Variants in NFIB observed in about 807,000 individuals in gnomAD.
NFIB encodes nuclear factor 1 B-type.
In NFIB, 11 loss-of-function variants were observed where a neutral mutation model predicts 61.5. The observed-to-expected ratio is 0.18, with a 90% confidence interval of 0.11 to 0.30. NFIB has a LOEUF of 0.30. Ranked by LOEUF, NFIB falls within the 10% of genes least tolerant of loss-of-function variation. The probability of loss-of-function intolerance (pLI) is 1.00; values close to 1 mark genes in which losing one functional copy is unlikely to be tolerated. For synonymous variants in NFIB, 260 were observed against 216.5 expected, an observed-to-expected ratio of 1.20 and a Z score of -1.76; for missense variants, 471 against 608.9, an observed-to-expected ratio of 0.77 and a Z score of 2.38.
At chr9:14,284,495 T>C (rs2058582399) in intron 2 of NFIB, among the ~76,000 whole-genome samples, 1 of 152,186 alleles carries the variant, frequency 6.6e-6, no homozygotes, top group South Asian at 2.1e-4. Context: ...ACAAACCTCA[T>C]AAACTCTTAT....
At chr9:14,319,874 A>G (rs939945418) in intron 1 of NFIB, among the ~76,000 whole-genome samples, 1 of 152,256 alleles carries the variant, frequency 6.6e-6, no homozygotes, top group Admixed American at 6.5e-5. Flanking sequence ...TTTTCAAATT[A>G]AAATTTAAGA....
chr9:14,525,532 T>C, the NFIB span, among the ~76,000 whole-genome samples: 3 of 152,132 alleles, frequency 2.0e-5, no homozygotes, highest in Admixed American at 1.3e-4. Flanking sequence ...CCTTCCAAAG[T>C]ACCAGGCAAA....
chr9:14,520,180 C>G, the NFIB span, among the ~76,000 whole-genome samples: 1 of 152,114 alleles, frequency 6.6e-6, no homozygotes, highest in Non-Finnish European at 1.5e-5. Flanking sequence ...AGGAAATACC[C>G]ATTCTATCTA....
At chr9:14,100,820 C>G (rs956858823) in intron 10 of NFIB, among the ~76,000 whole-genome samples, 10 of 152,336 alleles carry the variant, frequency 6.6e-5, no homozygotes, top group Non-Finnish European at 1.2e-4. Context: ...GTAAGCCAAT[C>G]AATATTCCAC....
the NFIB span, among the ~76,000 whole-genome samples, chr9:14,436,355 C>A: frequency 1.3e-5 from 2 of 152,210 alleles, no homozygotes; most frequent in Non-Finnish European, 2.9e-5. Flanking sequence ...TTGGAGAACT[C>A]TGTGAGGCTG....
At chr9:14,431,978 T>A in the NFIB span, among the ~76,000 whole-genome samples, 6 of 152,208 alleles carry the variant, frequency 3.9e-5, no homozygotes, top group Admixed American at 6.5e-5. Context: ...ATGGTGTGCC[T>A]GACTCATGCA....
chr9:14,466,869 C>T, the NFIB span, among the ~76,000 whole-genome samples: 1 of 152,178 alleles, frequency 6.6e-6, no homozygotes, highest in South Asian at 2.1e-4. Context: ...CTTTTAGCCC[C>T]ACTGAAAGAA....
intron 1 of NFIB, among the ~76,000 whole-genome samples, chr9:14,353,301 CAG>C (rs928891668): frequency 1.3e-5 from 2 of 152,096 alleles, no homozygotes; most frequent in Non-Finnish European, 2.9e-5. Context: ...ATAGATGTGA[CAG>C]TTCTTCTGGG....
chr9:14,135,405 A>G (rs1435005524), intron 6 of NFIB, among the ~76,000 whole-genome samples: 1 of 152,194 alleles, frequency 6.6e-6, no homozygotes, highest in African/African-American at 2.4e-5. Context: ...AACATTTGCA[A>G]TTTAGTTGGC....
chr9:14,251,160 G>A (rs73645025), intron 2 of NFIB, among the ~76,000 whole-genome samples: 2,171 of 152,202 alleles, frequency 0.014, 54 homozygotes, highest in African/African-American at 0.049. Flanking sequence ...AGAACTTTAC[G>A]GTGTTTTTCC....
At chr9:14,279,232 C>A (rs2058207896) in intron 2 of NFIB, among the ~76,000 whole-genome samples, 1 of 152,056 alleles carries the variant, frequency 6.6e-6, no homozygotes, top group Non-Finnish European at 1.5e-5. Flanking sequence ...AAATGGAAGC[C>A]CCGTCTTCCC....
At chr9:14,352,432 C>T (rs7848252) in intron 1 of NFIB, among the ~76,000 whole-genome samples, 47,778 of 151,824 alleles carry the variant, frequency 0.31, 7,665 homozygotes, top group African/African-American at 0.35. Context: ...AAGAAGTGAG[C>T]GAGGCCACAG....
the NFIB span, among the ~76,000 whole-genome samples, chr9:14,456,401 G>C: frequency 6.6e-6 from 1 of 151,984 alleles, no homozygotes; most frequent in Non-Finnish European, 1.5e-5. Context: ...AGAGTAAAAA[G>C]ACAAAGGACA....
chr9:14,170,211 C>T (rs2045413567), intron 3 of NFIB, among the ~76,000 whole-genome samples: 1 of 152,098 alleles, frequency 6.6e-6, no homozygotes, highest in Non-Finnish European at 1.5e-5. Flanking sequence ...CAAAACAATC[C>T]CAGCTTTCCG....
At chr9:14,152,434 TG>T (rs2042967251) in intron 4 of NFIB, among the ~76,000 whole-genome samples, 1 of 152,216 alleles carries the variant, frequency 6.6e-6, no homozygotes, top group African/African-American at 2.4e-5. Context: ...TATATGACAC[TG>T]GAAGTGGGGT....
upstream of NFIB, among the ~76,000 whole-genome samples, chr9:14,317,908 C>G (rs2060577979): frequency 6.6e-6 from 1 of 152,162 alleles, no homozygotes; most frequent in East Asian, 1.9e-4. Flanking sequence ...TCCATTTTTT[C>G]TAGCACGTCT....
At chr9:14,152,764 C>T (rs1298771769) in intron 4 of NFIB, among the ~76,000 whole-genome samples, 3 of 151,180 alleles carry the variant, frequency 2.0e-5, no homozygotes, top group African/African-American at 4.9e-5. Context: ...AAGATTATTC[C>T]GCAGTGTCAA....
At chr9:14,301,356 G>A (rs149648018) in intron 2 of NFIB, among the ~76,000 whole-genome samples, 202 of 152,210 alleles carry the variant, frequency 1.3e-3, no homozygotes, top group Non-Finnish European at 2.2e-3. Context: ...CCACACAAGA[G>A]ACATTGTGCA....
At chr9:14,393,128 C>A (rs911320029) in intron 1 of NFIB, among the ~76,000 whole-genome samples, 1 of 152,136 alleles carries the variant, frequency 6.6e-6, no homozygotes, top group Non-Finnish European at 1.5e-5. Flanking sequence ...AACTCTCTCA[C>A]CTTTCTGTGT....
Sources: gnomAD v4.1 joint callset for allele counts (sites outside exome capture counted in the v4.1 genomes callset) on GRCh38, gnomAD v4.1.1 for gene constraint, MANE v1.5 for transcripts, NCBI Gene and HGNC (gene_info 2026-07-23, HGNC 2026-07-21) for gene names.